ST18: variants seen among roughly 807,000 people sequenced by gnomAD.
ST18 encodes the protein ST18 C2H2C-type zinc finger transcription factor.
In ST18, 50 loss-of-function variants were observed where a neutral mutation model predicts 110.0. That is an observed-to-expected ratio of 0.45 (90% CI 0.36 to 0.58). ST18 has a LOEUF of 0.58. ST18 is among the 20% of genes least tolerant of loss of function. The probability of loss-of-function intolerance (pLI) is 0.00; values close to 1 mark genes in which losing one functional copy is unlikely to be tolerated. For missense variants in ST18, 1,306 were observed against 1,280.1 expected (o/e 1.02, Z -0.31); for synonymous variants, 461 against 452.4 (o/e 1.02, Z -0.24).
chr8:52,224,658 G>A (rs538029219), intron 3 of ST18, among the ~76,000 whole-genome samples: 52 of 152,270 alleles, frequency 3.4e-4, no homozygotes, highest in Admixed American at 1.4e-3. Context: ...ATGGTATCTC[G>A]CTTACTTTTA....
At chr8:52,270,912 T>G (rs1589481714) in intron 2 of ST18, among the ~76,000 whole-genome samples, 4 of 133,490 alleles carry the variant, frequency 3.0e-5, no homozygotes, top group Admixed American at 7.1e-5. Flanking sequence ...ATAAGTTTTG[T>G]TTTTTTTTTT....
chr8:52,355,555 A>G (rs913248797), intron 2 of ST18, among the ~76,000 whole-genome samples: 2 of 152,242 alleles, frequency 1.3e-5, no homozygotes, highest in Admixed American at 6.5e-5. Context: ...TTCATCCACA[A>G]AAGCAATAAG....
chr8:52,284,458 T>C (rs2095435907), intron 2 of ST18, among the ~76,000 whole-genome samples: 1 of 152,168 alleles, frequency 6.6e-6, no homozygotes. Flanking sequence ...GGATGACCGA[T>C]GTGTCTCCAA....
At chr8:52,398,393 T>C (rs1362597325) in intron 2 of ST18, among the ~76,000 whole-genome samples, 1 of 152,196 alleles carries the variant, frequency 6.6e-6, no homozygotes, top group Non-Finnish European at 1.5e-5. Flanking sequence ...CTTTTGTCAT[T>C]GGATACTTTC....
intron 11 of ST18, 151 bp downstream of exon 11, chr8:52,166,701 T>C (rs996863586): frequency 7.3e-6 from 8 of 1,089,586 alleles, no homozygotes; most frequent in Non-Finnish European, 9.8e-6. Flanking sequence ...AAATACACTA[T>C]ATTTTAAAAC....
intron 9 of ST18, among the ~76,000 whole-genome samples, chr8:52,178,333 A>T (rs2067715741): frequency 6.6e-6 from 1 of 152,124 alleles, no homozygotes; most frequent in African/African-American, 2.4e-5. Flanking sequence ...TCATGAATCA[A>T]CAAATAAAAC....
intron 2 of ST18, among the ~76,000 whole-genome samples, chr8:52,382,579 G>A (rs550631123): frequency 6.6e-6 from 1 of 152,164 alleles, no homozygotes; most frequent in Non-Finnish European, 1.5e-5. Flanking sequence ...TGGAATCGCT[G>A]AGACACAAAA....
chr8:52,390,085 G>A (rs1838769507), intron 2 of ST18, among the ~76,000 whole-genome samples: 1 of 152,042 alleles, frequency 6.6e-6, no homozygotes, highest in Non-Finnish European at 1.5e-5. Flanking sequence ...CTAGAAAGAG[G>A]AAACCAATGG....
intron 8 of ST18, among the ~76,000 whole-genome samples, chr8:52,182,865 C>T (rs529373503): frequency 1.3e-5 from 2 of 152,044 alleles, no homozygotes; most frequent in South Asian, 2.1e-4. Flanking sequence ...TCAATGAGAC[C>T]TCAGGTGGCA....
intron 10 of ST18, among the ~76,000 whole-genome samples, chr8:52,169,424 C>T (rs1328584531): frequency 6.6e-6 from 1 of 152,164 alleles, no homozygotes. Flanking sequence ...ACTGTACTTA[C>T]ATTGCAACCT....
rs576351354 is a variant in ST18 at position 52,288,319 on chromosome 8, A to G, written c.-464-58242T>C. ...AAGAAGGGCATGAGGAAGGAAAGGA[A>G]TAAGATCAGGTCAAGATGAGAAAGT... On this transcript the variant is annotated intron_variant, in intron 2 of 25. Coordinates refer to ENST00000689386, the MANE Select transcript of ST18 (RefSeq NM_001352837.2). 6.6e-5 allele frequency among the ~76,000 whole-genome samples: 10 copies of G among 152,324 alleles called. No homozygotes were observed. In the East Asian group the frequency reaches 9.7e-4, roughly 15 times the overall value.
chr8:52,217,547 G>A (rs1291069149), intron 6 of ST18, among the ~76,000 whole-genome samples, 199 bp downstream of exon 6: 4 of 152,144 alleles, frequency 2.6e-5, no homozygotes, highest in African/African-American at 9.7e-5. Flanking sequence ...AGGGGTGAAT[G>A]CAAGGTGAAA....
intron 2 of ST18, among the ~76,000 whole-genome samples, chr8:52,301,048 A>G (rs1338238906): frequency 1.3e-5 from 2 of 152,260 alleles, no homozygotes; most frequent in Non-Finnish European, 2.9e-5. Flanking sequence ...TGATGACATT[A>G]CCAAAATGTC....
intron 2 of ST18, chr8:52,407,631 A>G (rs1844971571): frequency 6.6e-6 from 1 of 152,160 alleles, no homozygotes; most frequent in South Asian, 2.1e-4. Flanking sequence ...ATGTTGAGGG[A>G]CCCATTTCGA....
intron 23 of ST18, among the ~76,000 whole-genome samples, chr8:52,125,372 C>T (rs1160160663): frequency 6.7e-6 from 1 of 149,524 alleles, no homozygotes; most frequent in Non-Finnish European, 1.5e-5. Flanking sequence ...AGATTTATAC[C>T]AGAAAAACGC....
intron 17 of ST18, among the ~76,000 whole-genome samples, chr8:52,138,970 G>A (rs373469477): frequency 1.3e-5 from 2 of 151,954 alleles, no homozygotes; most frequent in South Asian, 4.2e-4. Flanking sequence ...ATCATTTTCA[G>A]GTATCTAAAG....
chr8:52,289,168 G>T (rs1056961636), intron 2 of ST18, among the ~76,000 whole-genome samples: 5 of 152,220 alleles, frequency 3.3e-5, no homozygotes, highest in African/African-American at 1.2e-4. Context: ...GTTGAATTCT[G>T]CAAGAAAGCT....
chr8:52,188,539 A>T (rs2073256252), intron 8 of ST18, among the ~76,000 whole-genome samples: 1 of 152,226 alleles, frequency 6.6e-6, no homozygotes, highest in African/African-American at 2.4e-5. Context: ...CATTTTAGGA[A>T]CTTTGACTCA....
At chr8:52,344,758 C>T (rs12547893) in intron 2 of ST18, among the ~76,000 whole-genome samples, 117,973 of 152,116 alleles carry the variant, frequency 0.78, 48,932 homozygotes, top group Non-Finnish European at 0.91. Context: ...AAAATAGATA[C>T]ATCACCTGAG....
Sources: gnomAD v4.1 joint callset for allele counts (sites outside exome capture counted in the v4.1 genomes callset) on GRCh38, gnomAD v4.1.1 for gene constraint, MANE v1.5 for transcripts, NCBI Gene and HGNC (gene_info 2026-07-23, HGNC 2026-07-21) for gene names.